MDM1: variants seen among roughly 807,000 people sequenced by gnomAD.
The protein encoded by MDM1 is stabilizer of axonemal microtubules 6.
In MDM1, 61 loss-of-function variants were observed where a neutral mutation model predicts 89.1. The observed-to-expected ratio is 0.68, with a 90% CI of 0.56 to 0.85. The LOEUF (loss-of-function observed/expected upper bound fraction) is 0.85, where lower values mean the gene tolerates loss of function less well. MDM1 is among the 40% of genes least tolerant of loss of function. The probability of loss-of-function intolerance (pLI) is 0.00; values close to 1 mark genes in which losing one functional copy is unlikely to be tolerated. For synonymous variants in MDM1, 290 were observed against 294.1 expected (o/e 0.99, Z 0.14); for missense variants, 820 against 846.5 (o/e 0.97, Z 0.39).
rs1332042988 is a variant in MDM1, at chr12:68,321,521, A to C, written c.905+4T>G. 6.2e-7 allele frequency: 1 copy of C among 1,611,692 alleles called. No individual in the cohort carries two copies. Among genetic ancestry groups the C allele is most frequent in the South Asian group, 1.1e-5 (1 of 90,914 alleles). ...ATACCATATTTTCCTATTAAAATAC[A>C]TACCCAAGCCTTTGATGTTTCCAAG... On this transcript the variant is annotated splice_donor_region_variant and intron_variant, in intron 6 of 14. Transcript: ENST00000682720.
intron 7 of MDM1, among the ~76,000 whole-genome samples, chr12:68,317,493 A>C (rs1874653908): frequency 6.6e-6 from 1 of 152,170 alleles, no homozygotes; most frequent in South Asian, 2.1e-4. Context: ...TTTGAATGCA[A>C]AGATGAAAGT....
chr12:68,305,771 A>C (rs115453172), intron 12 of MDM1, among the ~76,000 whole-genome samples: 1,585 of 152,334 alleles, frequency 0.01, 26 homozygotes, highest in African/African-American at 0.036. Context: ...ATGGAAAAGC[A>C]TTCCACGCCC....
At chr12:68,320,785 G>C (rs1421847354) in intron 7 of MDM1, among the ~76,000 whole-genome samples, 1 of 152,152 alleles carries the variant, frequency 6.6e-6, no homozygotes, top group Admixed American at 6.5e-5. Flanking sequence ...TCTATCCTTT[G>C]AGTATAAGAA....
chr12:68,328,650 T>C lies in MDM1; in HGVS notation c.134-1629A>G, dbSNP rs552382256. Reference sequence around the variant, plus strand: ...TAGGAAGTATAAAAGCAAAAAAGCTTGAAGATCACCAATTAGACTCCTCTC... The same window carrying C: ...TAGGAAGTATAAAAGCAAAAAAGCTCGAAGATCACCAATTAGACTCCTCTC... On this transcript the variant is annotated intron_variant, in intron 2 of 14. Coordinates refer to ENST00000682720, the MANE Select transcript of MDM1 (RefSeq NM_001354969.2). Among the ~76,000 whole-genome samples, 5 of 152,058 alleles carry C rather than the reference T, an allele frequency of 3.3e-5. No individual in the cohort carries two copies. The East Asian group carries it at 9.7e-4, about 29-fold the overall frequency.
At chr12:68,298,746 G>C (rs898174838) in intron 13 of MDM1, among the ~76,000 whole-genome samples, 1 of 152,170 alleles carries the variant, frequency 6.6e-6, no homozygotes, top group Non-Finnish European at 1.5e-5. Context: ...CCACCAGTGG[G>C]TATTGCATTC....
rs777553610 is a variant in MDM1 at position 68,327,026 on chromosome 12, A to G, written c.134-5T>C. On this transcript the variant is annotated splice_region_variant and splice_polypyrimidine_tract_variant and intron_variant, in intron 2 of 14. Transcript: ENST00000682720. Reference sequence around the variant, plus strand: ...AACTTGGCTCTTTCGTGATGCCTACAAAACACGGTATACAAAAATAGTAGC... The same window carrying G: ...AACTTGGCTCTTTCGTGATGCCTACGAAACACGGTATACAAAAATAGTAGC... 2 of 1,570,672 alleles carry G rather than the reference A, an allele frequency of 1.3e-6. No homozygotes were observed. Among genetic ancestry groups the G allele is most frequent in the South Asian group, 1.2e-5 (1 of 85,696 alleles).
intron 13 of MDM1, among the ~76,000 whole-genome samples, chr12:68,297,385 G>A (rs1022466467): frequency 1.3e-5 from 2 of 152,152 alleles, no homozygotes; most frequent in African/African-American, 4.8e-5. Flanking sequence ...AAGACAGCAA[G>A]AAACTTTTTG....
At position 68,331,239 on chromosome 12, in the gene MDM1, C is replaced by T. The variant is rs780010136; in HGVS notation, c.19-18G>A. The T allele has an allele frequency of 1.1e-5, 14 of 1,277,258 alleles. No individual in the cohort carries two copies. The highest frequency in any genetic ancestry group is 1.9e-4 in the Middle Eastern group (1 of 5,404). 79.1% of individuals were successfully genotyped at this position (1,277,258 alleles called of 1,614,324 possible). On this transcript the variant is annotated intron_variant, in intron 1 of 14. Transcript: ENST00000682720. ...CTCAGCCCCTGTAATGCAAAGTACA[C>T]TTTTGAGTACAGTCCAATTAATGAA...
At chr12:68,315,491 CT>C (rs1463866740) in intron 9 of MDM1, among the ~76,000 whole-genome samples, 2 of 152,152 alleles carry the variant, frequency 1.3e-5, no homozygotes, top group East Asian at 3.8e-4. Flanking sequence ...ATGTATTTAT[CT>C]TCTTTTACTC....
intron 12 of MDM1, among the ~76,000 whole-genome samples, chr12:68,308,011 C>T (rs1592957557): frequency 1.3e-5 from 2 of 151,510 alleles, no homozygotes; most frequent in South Asian, 4.2e-4. Flanking sequence ...CCTTACTCGG[C>T]CTCCCTTTCT....
rs1359989633 is a variant in MDM1 at position 68,315,047 on chromosome 12, T to G, written c.1430A>C (p.Glu477Ala). The G allele has an allele frequency of 2.5e-6, 4 of 1,614,070 alleles. No individual in the cohort carries two copies. Among genetic ancestry groups the G allele is most frequent in the Non-Finnish European group, 3.4e-6 (4 of 1,180,036 alleles). ...GCCCGTTTTCCTGTCCCCTTCCTCT[T>G]CATTGTCGTCCTCCTCCTCTTTCTC... ...PGEKEEEDDN[E>A]EEGDRKTGKQ... Residue 477 changes from glutamate (E) to alanine (A), a missense_variant, in exon 10 of 15, where the codon GAA (glutamate) becomes GCA (alanine). Transcript: ENST00000682720.
intron 13 of MDM1, among the ~76,000 whole-genome samples, chr12:68,299,699 A>G (rs1871890016): frequency 6.6e-6 from 1 of 152,216 alleles, no homozygotes; most frequent in Admixed American, 6.5e-5. Flanking sequence ...GTAAACAACC[A>G]AATGTAAGAA....
At chr12:68,297,027 G>C in intron 13 of MDM1, 45 bp from the exon 14 acceptor site, 1 of 1,432,744 alleles carries the variant, frequency 7.0e-7, no homozygotes, top group Non-Finnish European at 9.5e-7. Context: ...AAAAGCCACT[G>C]AACAGCTTAT....
chr12:68,304,054 G>T (rs1872566747), intron 12 of MDM1, among the ~76,000 whole-genome samples: 1 of 152,150 alleles, frequency 6.6e-6, no homozygotes, highest in Non-Finnish European at 1.5e-5. Context: ...AGAGATTGCA[G>T]TAAGCCATGA....
intron 12 of MDM1, among the ~76,000 whole-genome samples, chr12:68,308,676 G>C (rs1023651262): frequency 2.6e-5 from 4 of 152,166 alleles, no homozygotes; most frequent in African/African-American, 9.7e-5. Context: ...CATGAAGGCA[G>C]GGATTTTGAC....
chr12:68,322,825 C>A (rs1029547783), intron 5 of MDM1, among the ~76,000 whole-genome samples: 1 of 152,074 alleles, frequency 6.6e-6, no homozygotes, highest in Admixed American at 6.5e-5. Context: ...ACTCATCATG[C>A]TGTATCATTT....
intron 13 of MDM1, among the ~76,000 whole-genome samples, chr12:68,300,728 C>T (rs1339794352): frequency 6.6e-6 from 1 of 152,182 alleles, no homozygotes; most frequent in Admixed American, 6.5e-5. Flanking sequence ...GACTTCAATA[C>T]TCCACTGACA....
At chr12:68,325,655 A>C in intron 3 of MDM1, 80 bp from the exon 4 acceptor site, 1 of 1,404,018 alleles carries the variant, frequency 7.1e-7, no homozygotes, top group South Asian at 1.9e-5. Flanking sequence ...AAAAATGCAT[A>C]ACATGAAATC....
Position 68,316,256 on chromosome 12 carries a change from A to G in MDM1, c.1036-3T>C. 1 of 1,611,286 alleles carries G rather than the reference A, an allele frequency of 6.2e-7. No individual in the cohort carries two copies. Among genetic ancestry groups the G allele is most frequent in the Non-Finnish European group, 8.5e-7 (1 of 1,178,736 alleles). On this transcript the variant is annotated splice_polypyrimidine_tract_variant and splice_region_variant and intron_variant, in intron 8 of 14. Transcript: ENST00000682720. ...GCCTTTTCTCGGAGTTCTTTAACCT[A>G]TTCAGGAGAGTTCAGACATCATATA...
Sources: gnomAD v4.1 joint callset for allele counts (sites outside exome capture counted in the v4.1 genomes callset) on GRCh38, gnomAD v4.1.1 for gene constraint, MANE v1.5 for transcripts, NCBI Gene and HGNC (gene_info 2026-07-23, HGNC 2026-07-21) for gene names.